PCCA: variants seen among roughly 807,000 people sequenced by gnomAD.
The protein encoded by PCCA is propionyl-CoA carboxylase subunit alpha.
A neutral mutation model predicts 101.3 loss-of-function variants in PCCA; 74 were observed. The ratio of observed to expected loss-of-function variants is 0.73; its 90% confidence interval spans 0.61 to 0.89. The LOEUF (loss-of-function observed/expected upper bound fraction) is 0.89, where lower values mean the gene tolerates loss of function less well. PCCA is among the 40% of genes least tolerant of loss of function. The pLI is 0.00. For missense variants in PCCA, 891 were observed against 907.0 expected (o/e 0.98, Z 0.23); for synonymous variants, 294 against 313.6 (o/e 0.94, Z 0.66).
chr13:100,500,746 G>A (rs79141403), intron 21 of PCCA, among the ~76,000 whole-genome samples: 10,934 of 152,200 alleles, frequency 0.072, 519 homozygotes, highest in African/African-American at 0.12. Flanking sequence ...GCAACATTGA[G>A]GCCAGAGAAA....
At chr13:100,224,035 C>T (rs575428405) in intron 7 of PCCA, among the ~76,000 whole-genome samples, 11 of 152,364 alleles carry the variant, frequency 7.2e-5, no homozygotes, top group East Asian at 5.8e-4. Context: ...CTGCCAGTCC[C>T]GCGCCGTGCG....
intron 4 of PCCA, among the ~76,000 whole-genome samples, chr13:100,130,909 A>G (rs978298107): frequency 1.3e-5 from 2 of 152,228 alleles, no homozygotes; most frequent in Admixed American, 6.5e-5. Flanking sequence ...TCTTTTCAGT[A>G]AGAAGTGTTT....
chr13:100,238,536 G>A (rs1322388560), intron 8 of PCCA, among the ~76,000 whole-genome samples: 2 of 151,986 alleles, frequency 1.3e-5, no homozygotes, highest in African/African-American at 4.8e-5. Flanking sequence ...TGGCTATTAA[G>A]TATAAGAGTA....
intron 18 of PCCA, among the ~76,000 whole-genome samples, chr13:100,343,951 T>C (rs1221858624): frequency 1.3e-5 from 2 of 152,216 alleles, no homozygotes; most frequent in African/African-American, 4.8e-5. Flanking sequence ...GGCGCATGCC[T>C]GTAGTCCCAT....
chr13:100,496,826 A>G (rs1417051747), intron 21 of PCCA, among the ~76,000 whole-genome samples: 1 of 152,142 alleles, frequency 6.6e-6, no homozygotes, highest in Non-Finnish European at 1.5e-5. Flanking sequence ...GGTAATGATT[A>G]TGAGTCAGCC....
At chr13:100,217,998 C>G (rs979397671) in intron 7 of PCCA, among the ~76,000 whole-genome samples, 6 of 151,370 alleles carry the variant, frequency 4.0e-5, no homozygotes, top group Admixed American at 2.0e-4. Flanking sequence ...TCACTAGAAC[C>G]CTGGGGGAGG....
rs567824987 is a variant in PCCA at position 100,447,038 on chromosome 13, A to G, written c.1846-2214A>G. 5.9e-5 allele frequency among the ~76,000 whole-genome samples: 9 copies of G among 152,290 alleles called. No individual in the cohort carries two copies. The South Asian group carries it at 1.9e-3, about 32-fold the overall frequency. On this transcript the variant is annotated intron_variant, in intron 20 of 23. Transcript: ENST00000376285. ...ATAAACTACACTGTGATATTTGTTC[A>G]GCTTTATTTTTCTGCCTATCCTTAC...
chr13:100,289,873 C>G (rs2064994128), intron 12 of PCCA, among the ~76,000 whole-genome samples: 1 of 152,092 alleles, frequency 6.6e-6, no homozygotes, highest in Admixed American at 6.5e-5. Context: ...TCATTATTTG[C>G]TATATCTTCA....
intron 4 of PCCA, among the ~76,000 whole-genome samples, chr13:100,112,896 G>A (rs1259953773): frequency 1.3e-5 from 2 of 151,220 alleles, no homozygotes; most frequent in Admixed American, 1.3e-4. Context: ...ATTTTTTTTA[G>A]TAGTAATGTT....
intron 4 of PCCA, among the ~76,000 whole-genome samples, chr13:100,143,517 A>G (rs2052150222): frequency 6.6e-6 from 1 of 150,766 alleles, no homozygotes; most frequent in Non-Finnish European, 1.5e-5. Context: ...CCTGGGTGAC[A>G]GAGCGAGACT....
At chr13:100,521,290 A>C (rs551065350) in intron 22 of PCCA, among the ~76,000 whole-genome samples, 11 of 152,192 alleles carry the variant, frequency 7.2e-5, no homozygotes, top group Non-Finnish European at 1.2e-4. Flanking sequence ...CAAGGGGAGC[A>C]CCAGGCAGAC....
intron 8 of PCCA, among the ~76,000 whole-genome samples, chr13:100,246,304 T>A (rs2061422467): frequency 6.6e-6 from 1 of 152,174 alleles, no homozygotes; most frequent in South Asian, 2.1e-4. Context: ...TATTTGGTGA[T>A]GTATTTTAAT....
At chr13:100,134,562 G>T (rs184275494) in intron 4 of PCCA, among the ~76,000 whole-genome samples, 1 of 152,144 alleles carries the variant, frequency 6.6e-6, no homozygotes, top group Admixed American at 6.6e-5. Flanking sequence ...TTCTTTGTTG[G>T]TGGTGGTATT....
chr13:100,215,413 C>T (rs1297332969), intron 7 of PCCA, among the ~76,000 whole-genome samples: 2 of 152,110 alleles, frequency 1.3e-5, no homozygotes, highest in African/African-American at 4.8e-5. Flanking sequence ...AATAATAAAA[C>T]ATATGTTCTA....
intron 18 of PCCA, among the ~76,000 whole-genome samples, chr13:100,344,485 T>C (rs1035671528): frequency 6.6e-6 from 1 of 152,220 alleles, no homozygotes; most frequent in East Asian, 1.9e-4. Context: ...TTGAGCCCAT[T>C]AGGAAATACT....
intron 18 of PCCA, among the ~76,000 whole-genome samples, chr13:100,350,262 A>G (rs2073102014): frequency 6.6e-6 from 1 of 152,298 alleles, no homozygotes; most frequent in Non-Finnish European, 1.5e-5. Flanking sequence ...AAATAAAACA[A>G]CTTATCATAA....
intron 12 of PCCA, among the ~76,000 whole-genome samples, chr13:100,278,435 T>C (rs186997607): frequency 6.6e-6 from 1 of 152,216 alleles, no homozygotes; most frequent in East Asian, 1.9e-4. Flanking sequence ...AGGTTATAAG[T>C]TTGTTCAAGT....
intron 4 of PCCA, among the ~76,000 whole-genome samples, chr13:100,152,924 C>T (rs561760791): frequency 6.6e-6 from 1 of 152,232 alleles, no homozygotes; most frequent in East Asian, 1.9e-4. Flanking sequence ...CTTTTGAATG[C>T]ATGTTCATTA....
intron 10 of PCCA, among the ~76,000 whole-genome samples, chr13:100,268,232 A>G (rs2063072478): frequency 1.3e-5 from 2 of 152,234 alleles, no homozygotes. Context: ...ACAGACATCC[A>G]TAGATAGATA....
Sources: allele counts gnomAD v4.1 joint callset (sites outside exome capture counted in the v4.1 genomes callset), GRCh38; gene constraint gnomAD v4.1.1; transcripts MANE v1.5; gene names NCBI Gene and HGNC (gene_info 2026-07-23, HGNC 2026-07-21).